SPAG16: variants seen among roughly 807,000 people sequenced by gnomAD.
The protein encoded by SPAG16 is sperm associated antigen 16, also known as sperm-associated antigen 16 protein.
In SPAG16, 86 loss-of-function variants were observed where a neutral mutation model predicts 80.4. That is an observed-to-expected ratio of 1.07 (90% CI 0.90 to 1.28). The LOEUF (loss-of-function observed/expected upper bound fraction) is 1.28. Ranked by LOEUF, SPAG16 falls within the 50% of genes most tolerant of loss-of-function variation. SPAG16 has a pLI of 0.00. For synonymous variants in SPAG16, 294 were observed against 265.9 expected, an observed-to-expected ratio of 1.11 and a Z score of -1.03; for missense variants, 870 against 765.3, an observed-to-expected ratio of 1.14 and a Z score of -1.61.
intron 15 of SPAG16, chr2:214,280,961 G>A (rs1219016903): frequency 4.5e-6 from 2 of 446,848 alleles, no homozygotes; most frequent in East Asian, 1.2e-4. Context: ...TAAATTCCTT[G>A]CTTTCAGAAT....
chr2:213,592,814 G>T (rs570022759), intron 10 of SPAG16, among the ~76,000 whole-genome samples: 1 of 152,182 alleles, frequency 6.6e-6, no homozygotes, highest in African/African-American at 2.4e-5. Flanking sequence ...TGATCACTTC[G>T]TCAGACTGAA....
In SPAG16 at chr2:213,537,648, G is replaced by C. The variant is rs139103770; in HGVS notation, c.1070+47558G>C. Among the ~76,000 whole-genome samples, 146 of 152,078 alleles carry C rather than the reference G, an allele frequency of 9.6e-4. 1 individual carries two copies. The highest frequency in any genetic ancestry group is 3.4e-3 in the African/African-American group (143 of 41,476). On this transcript the variant is annotated intron_variant, in intron 10 of 15. Coordinates refer to ENST00000331683, the MANE Select transcript of SPAG16 (RefSeq NM_024532.5). ...TTGGTTTTTGATGTCTCTATTTTTG[G>C]CAAAGCCACCTCTTAACATTTTTTT... is the stretch of plus-strand genomic sequence containing the variant.
intron 10 of SPAG16, among the ~76,000 whole-genome samples, chr2:213,744,232 G>C (rs2067710511): frequency 6.6e-6 from 1 of 152,160 alleles, no homozygotes; most frequent in Admixed American, 6.5e-5. Context: ...TCCTTGGGTT[G>C]TCAATGAAGT....
chr2:214,030,750 C>T (rs186819877), intron 13 of SPAG16, among the ~76,000 whole-genome samples: 118 of 152,294 alleles, frequency 7.7e-4, no homozygotes, highest in African/African-American at 2.6e-3. Flanking sequence ...CTCCCCCTAA[C>T]CTCACGTTTA....
chr2:213,421,751 A>G (rs1009799831), intron 9 of SPAG16, among the ~76,000 whole-genome samples: 1 of 152,100 alleles, frequency 6.6e-6, no homozygotes, highest in African/African-American at 2.4e-5. Context: ...GAGCTACCCA[A>G]TTTGGGTCTC....
Position 213,930,026 on chromosome 2 carries a change from T to C in SPAG16, c.1281T>C (p.Asp427=), listed in dbSNP as rs1259716710. The C allele has an allele frequency of 1.2e-6, 2 of 1,614,048 alleles. No individual in the cohort carries two copies. Among genetic ancestry groups the C allele is most frequent in the African/African-American group, 2.7e-5 (2 of 74,934 alleles). ...TVKLWDLCKG[D]CILTFEGHSR... Reference sequence around the variant, plus strand: ...AATTATGGGATCTATGTAAAGGCGATTGCATTTTGACCTTTGAAGGACACA... The same window carrying C: ...AATTATGGGATCTATGTAAAGGCGACTGCATTTTGACCTTTGAAGGACACA... The change falls in exon 12 of 16, where the codon GAT becomes GAC. Residue 427 remains aspartate, a synonymous_variant. Transcript: ENST00000331683.
intron 10 of SPAG16, among the ~76,000 whole-genome samples, chr2:213,605,653 C>T (rs1382730905): frequency 2.0e-5 from 3 of 152,090 alleles, no homozygotes; most frequent in Non-Finnish European, 2.9e-5. Context: ...CCACACCTGG[C>T]TAATTTTTTA....
intron 15 of SPAG16, among the ~76,000 whole-genome samples, chr2:214,314,216 A>G (rs1181902127): frequency 1.3e-5 from 2 of 152,188 alleles, no homozygotes; most frequent in Non-Finnish European, 2.9e-5. Flanking sequence ...TTACCATCCC[A>G]TGAATATCAT....
chr2:214,145,710 G>A (rs1204189877), intron 14 of SPAG16, among the ~76,000 whole-genome samples: 1 of 151,976 alleles, frequency 6.6e-6, no homozygotes, highest in Non-Finnish European at 1.5e-5. Flanking sequence ...AATTCTACTG[G>A]CATAATTAAA....
chr2:213,886,469 A>T (rs911498488), intron 11 of SPAG16, among the ~76,000 whole-genome samples: 3 of 152,020 alleles, frequency 2.0e-5, no homozygotes, highest in Non-Finnish European at 4.4e-5. Context: ...CTGCATTTTA[A>T]GGTGTCACTT....
At chr2:214,047,130 A>G (rs967918451) in intron 13 of SPAG16, among the ~76,000 whole-genome samples, 1 of 152,204 alleles carries the variant, frequency 6.6e-6, no homozygotes, top group Admixed American at 6.5e-5. Context: ...TACAGATTCA[A>G]TGCAATCTTT....
At chr2:214,371,589 A>G (rs1002020610) in intron 15 of SPAG16, among the ~76,000 whole-genome samples, 2 of 151,754 alleles carry the variant, frequency 1.3e-5, no homozygotes, top group Non-Finnish European at 2.9e-5. Context: ...TGGTTTCAGG[A>G]AGATAAATTC....
At chr2:213,938,762 A>C (rs2079087760) in intron 12 of SPAG16, among the ~76,000 whole-genome samples, 2 of 152,114 alleles carry the variant, frequency 1.3e-5, no homozygotes, top group Admixed American at 1.3e-4. Flanking sequence ...AATATAAAAA[A>C]TGGCAAGCAA....
At chr2:214,359,625 T>C (rs1949049) in intron 15 of SPAG16, among the ~76,000 whole-genome samples, 112,516 of 151,702 alleles carry the variant, frequency 0.74, 43,770 homozygotes, top group South Asian at 0.87. Context: ...TCTATTTACA[T>C]CTTTAATAGA....
chr2:214,173,363 C>T (rs2056950339), intron 15 of SPAG16, among the ~76,000 whole-genome samples: 1 of 151,960 alleles, frequency 6.6e-6, no homozygotes, highest in African/African-American at 2.4e-5. Flanking sequence ...GAATCCTTTC[C>T]CCGTTGCTTG....
At chr2:213,966,167 G>A (rs906496643) in intron 12 of SPAG16, among the ~76,000 whole-genome samples, 1 of 152,134 alleles carries the variant, frequency 6.6e-6, no homozygotes, top group Non-Finnish European at 1.5e-5. Context: ...AGAAGATGGA[G>A]ACACATCTTC....
At chr2:213,937,514 G>C (rs2079037710) in intron 12 of SPAG16, among the ~76,000 whole-genome samples, 1 of 151,858 alleles carries the variant, frequency 6.6e-6, no homozygotes, top group South Asian at 2.1e-4. Flanking sequence ...ATATCTTCTT[G>C]GATTTTCAAG....
chr2:214,281,818 C>G (rs1559179042), intron 15 of SPAG16, among the ~76,000 whole-genome samples: 1 of 152,018 alleles, frequency 6.6e-6, no homozygotes, highest in Admixed American at 6.6e-5. Context: ...TGTAGTATGT[C>G]CATACAATAA....
intron 10 of SPAG16, among the ~76,000 whole-genome samples, chr2:213,678,444 C>G (rs1397204177): frequency 6.6e-6 from 1 of 152,076 alleles, no homozygotes; most frequent in African/African-American, 2.4e-5. Flanking sequence ...GATATCACCA[C>G]CGATCCCACA....
Sources: gnomAD v4.1 joint callset for allele counts (sites outside exome capture counted in the v4.1 genomes callset) on GRCh38, gnomAD v4.1.1 for gene constraint, MANE v1.5 for transcripts, NCBI Gene and HGNC (gene_info 2026-07-23, HGNC 2026-07-21) for gene names.